OPCML: variants seen among roughly 807,000 people sequenced by gnomAD.
OPCML encodes opioid-binding protein/cell adhesion molecule.
A neutral mutation model predicts 37.8 loss-of-function variants in OPCML; 13 were observed. The ratio of observed to expected loss-of-function variants is 0.34; its 90% CI spans 0.22 to 0.55. OPCML has a LOEUF of 0.55. Among genes scored for constraint, OPCML ranks in the 20% least tolerant of loss-of-function variants. The probability of loss-of-function intolerance (pLI) is 0.91; values close to 1 mark genes in which losing one functional copy is unlikely to be tolerated. For synonymous variants in OPCML, 176 were observed against 168.8 expected (o/e 1.04, Z -0.33); for missense variants, 341 against 435.6 (o/e 0.78, Z 1.93).
At chr11:133,405,145 G>A (rs759323603) in intron 1 of OPCML, among the ~76,000 whole-genome samples, 74 of 152,170 alleles carry the variant, frequency 4.9e-4, no homozygotes, top group Non-Finnish European at 8.2e-4. Context: ...AAATGATAGA[G>A]CAAACCTTGT....
At chr11:132,860,842 A>C (rs757582438) in intron 2 of OPCML, 1 of 152,224 alleles carries the variant, frequency 6.6e-6, no homozygotes, top group Non-Finnish European at 1.5e-5. Context: ...GAAATGTGAC[A>C]CATAAAACGT....
Position 133,418,233 on chromosome 11 carries a change from T to C in OPCML, c.61+114031A>G, listed in dbSNP as rs116039928. On this transcript the variant is annotated intron_variant, in intron 1 of 7. Coordinates refer to ENST00000524381, the MANE Select transcript of OPCML (RefSeq NM_001012393.5). ...GATAGGTGTGGTGATCTGTATCTAG[T>C]TTTTAAGAAGGCCAAGTACAAGGTC... 5.3e-4 allele frequency: 523 copies of C among 985,396 alleles called. No individual in the cohort carries two copies. The African/African-American group carries it at 7.6e-3, about 14-fold the overall frequency. The allele number at this position is 985,396 out of a possible 1,614,324, so 61.0% of individuals were successfully genotyped here.
At chr11:133,195,509 A>G (rs895798849) in intron 1 of OPCML, among the ~76,000 whole-genome samples, 2 of 152,232 alleles carry the variant, frequency 1.3e-5, no homozygotes, top group East Asian at 3.9e-4. Flanking sequence ...CTATTTCCGC[A>G]TTCATTATGA....
intron 1 of OPCML, among the ~76,000 whole-genome samples, chr11:133,077,441 T>C (rs890889992): frequency 6.6e-6 from 1 of 152,148 alleles, no homozygotes; most frequent in Non-Finnish European, 1.5e-5. Context: ...TAAAACTGGA[T>C]TCTATACAAT....
At chr11:133,423,465 A>G in intron 1 of OPCML, 6 of 985,386 alleles carry the variant, frequency 6.1e-6, no homozygotes, top group Non-Finnish European at 7.2e-6. Flanking sequence ...AATTCTCTGC[A>G]CTCTGTTAGG....
intron 1 of OPCML, among the ~76,000 whole-genome samples, chr11:132,962,272 A>C (rs1474198743): frequency 6.6e-6 from 1 of 152,212 alleles, no homozygotes; most frequent in Admixed American, 6.5e-5. Flanking sequence ...AAAGCACAGC[A>C]CAGAAACCAG....
intron 7 of OPCML, among the ~76,000 whole-genome samples, chr11:132,434,073 C>A (rs1158235036): frequency 6.6e-6 from 1 of 152,164 alleles, no homozygotes; most frequent in Non-Finnish European, 1.5e-5. Context: ...GTGCCCTTCT[C>A]TGCATCATAC....
intron 1 of OPCML, among the ~76,000 whole-genome samples, chr11:133,385,676 C>T (rs1031498036): frequency 4.3e-4 from 66 of 152,082 alleles, no homozygotes; most frequent in African/African-American, 1.4e-3. Context: ...GATGATTAGG[C>T]CCTGGTAATG....
chr11:133,349,824 A>T (rs1944088338), intron 1 of OPCML, among the ~76,000 whole-genome samples: 1 of 152,236 alleles, frequency 6.6e-6, no homozygotes, highest in Admixed American at 6.5e-5. Flanking sequence ...ACTTATGCAC[A>T]GAGCATATTT....
At chr11:133,348,570 G>A (rs915839264) in intron 1 of OPCML, among the ~76,000 whole-genome samples, 2 of 152,168 alleles carry the variant, frequency 1.3e-5, no homozygotes, top group Admixed American at 6.5e-5. Flanking sequence ...ACAAATAGAG[G>A]AGCAGGTAAC....
At chr11:133,348,770 C>T (rs1243053232) in intron 1 of OPCML, among the ~76,000 whole-genome samples, 3 of 152,108 alleles carry the variant, frequency 2.0e-5, no homozygotes, top group African/African-American at 7.2e-5. Context: ...TAAGTCAAAC[C>T]ATGTCGAGGT....
At chr11:132,439,745 C>T (rs2096026011) in intron 4 of OPCML, among the ~76,000 whole-genome samples, 1 of 150,866 alleles carries the variant, frequency 6.6e-6, no homozygotes, top group African/African-American at 2.4e-5. Flanking sequence ...GAATGAGAAG[C>T]CTGGATTTCT....
chr11:133,002,774 A>G (rs2136851442), intron 1 of OPCML, among the ~76,000 whole-genome samples: 1 of 43,982 alleles, frequency 2.3e-5, no homozygotes, highest in African/African-American at 2.4e-4. Context: ...GACAAAGGAA[A>G]GAGAGGGGGG....
At chr11:132,924,080 C>T (rs1452815477) in intron 2 of OPCML, among the ~76,000 whole-genome samples, 1 of 151,604 alleles carries the variant, frequency 6.6e-6, no homozygotes, top group Non-Finnish European at 1.5e-5. Context: ...AAATCGAAAT[C>T]TTGTTCCTGC....
intron 1 of OPCML, among the ~76,000 whole-genome samples, chr11:133,231,096 A>G (rs556359830): frequency 6.6e-6 from 1 of 152,356 alleles, no homozygotes; most frequent in East Asian, 1.9e-4. Flanking sequence ...CAGAATGAGA[A>G]GCAATGCAAG....
chr11:132,987,433 A>T (rs1946700768), intron 1 of OPCML, among the ~76,000 whole-genome samples: 1 of 152,114 alleles, frequency 6.6e-6, no homozygotes, highest in Admixed American at 6.6e-5. Context: ...GAAAGAAGAG[A>T]TGGAGACAGT....
intron 1 of OPCML, among the ~76,000 whole-genome samples, chr11:133,069,186 T>C (rs778741872): frequency 1.6e-4 from 25 of 152,206 alleles, no homozygotes; most frequent in Non-Finnish European, 2.5e-4. Flanking sequence ...GCCTCAGTCT[T>C]CCCATCTCCA....
intron 1 of OPCML, among the ~76,000 whole-genome samples, chr11:133,427,910 A>G (rs1335018742): frequency 6.6e-6 from 1 of 152,186 alleles, no homozygotes; most frequent in Non-Finnish European, 1.5e-5. Context: ...TACACACACG[A>G]TTATACTCAC....
chr11:132,784,189 A>T (rs1947127116), intron 2 of OPCML, among the ~76,000 whole-genome samples: 1 of 152,200 alleles, frequency 6.6e-6, no homozygotes, highest in Admixed American at 6.5e-5. Context: ...ACTTGTAGGA[A>T]GTCAGACTGC....
Sources: allele counts gnomAD v4.1 joint callset (sites outside exome capture counted in the v4.1 genomes callset), GRCh38; gene constraint gnomAD v4.1.1; transcripts MANE v1.5; gene names NCBI Gene and HGNC (gene_info 2026-07-23, HGNC 2026-07-21).